PIR: variants seen among roughly 807,000 people sequenced by gnomAD.
PIR encodes the protein pirin.
In PIR, 22 loss-of-function variants were observed where a neutral mutation model predicts 24.2. The ratio of observed to expected loss-of-function variants is 0.91; its 90% CI spans 0.65 to 1.30. The LOEUF (loss-of-function observed/expected upper bound fraction) is 1.30, where lower values mean the gene tolerates loss of function less well. Among genes scored for constraint, PIR ranks in the 50% most tolerant of loss-of-function variants. The pLI is 0.00. For missense variants in PIR, 220 were observed against 220.3 expected (o/e 1.00, Z 0.01); for synonymous variants, 80 against 79.6 (o/e 1.00, Z -0.03).
intron 5 of PIR, among the ~76,000 whole-genome samples, chrX:15,435,682 T>G (rs567393655): frequency 3.6e-5 from 4 of 111,898 alleles, no homozygotes; most frequent in African/African-American, 1.3e-4. Flanking sequence ...TAAAAATGCA[T>G]CAGCACAGAC....
At chrX:15,477,824 A>G (rs1472766450) in intron 3 of PIR, among the ~76,000 whole-genome samples, 2 of 112,240 alleles carry the variant, frequency 1.8e-5, no homozygotes, top group Non-Finnish European at 3.8e-5. Flanking sequence ...ACATGCCCAC[A>G]AATTACTACA....
At chrX:15,403,993 C>CTTTTTTT (rs151011282) in intron 7 of PIR, among the ~76,000 whole-genome samples, 1 of 89,910 alleles carries the variant, frequency 1.1e-5, no homozygotes. Context: ...CCAGCATTTT[C>CTTTTTTT]TTTTTTTTTT....
chrX:15,420,025 C>T (rs767441728), intron 6 of PIR, among the ~76,000 whole-genome samples: 4 of 110,932 alleles, frequency 3.6e-5, no homozygotes, highest in East Asian at 5.6e-4. Flanking sequence ...GGTCAAACCC[C>T]GTCGCTACTA....
At chrX:15,428,486 G>A (rs952685274) in intron 5 of PIR, among the ~76,000 whole-genome samples, 3 of 112,225 alleles carry the variant, frequency 2.7e-5, no homozygotes, top group Middle Eastern at 4.6e-3. Flanking sequence ...GGCAGATGCA[G>A]TATCCCTTCC....
intron 7 of PIR, among the ~76,000 whole-genome samples, chrX:15,406,893 C>T (rs1227951125): frequency 1.8e-5 from 2 of 112,088 alleles, no homozygotes; most frequent in Non-Finnish European, 3.8e-5. Context: ...TGGGGTGAAG[C>T]GTGGAGAGCA....
At chrX:15,464,871 T>G (rs918844492) in intron 3 of PIR, among the ~76,000 whole-genome samples, 4 of 112,163 alleles carry the variant, frequency 3.6e-5, no homozygotes, top group African/African-American at 1.3e-4. Flanking sequence ...CCCTTTCAAA[T>G]CATATTCTTT....
intron 5 of PIR, chrX:15,429,805 G>A (rs895370797): frequency 5.5e-5 from 6 of 109,696 alleles, no homozygotes; most frequent in African/African-American, 1.7e-4. Flanking sequence ...GCAGTGAGCC[G>A]AGATCCTGCC....
chrX:15,408,457 C>T (rs988867166), intron 6 of PIR, among the ~76,000 whole-genome samples: 1 of 111,757 alleles, frequency 8.9e-6, no homozygotes, highest in Middle Eastern at 4.2e-3. Flanking sequence ...CAAGTGTGTA[C>T]ACTTTTCTGG....
intron 6 of PIR, among the ~76,000 whole-genome samples, chrX:15,416,579 T>C (rs1569197674): frequency 8.9e-6 from 1 of 112,136 alleles, no homozygotes. Flanking sequence ...GACGTCTGCC[T>C]GATCCTGCCT....
Position 15,425,990 on chromosome X carries a change from A to C in PIR, c.481T>G (p.Ser161Ala). Residue 161 changes from serine (S) to alanine (A), a missense_variant and splice_region_variant, in exon 6 of 10, where the codon TCC (serine) becomes GCC (alanine). Transcript: ENST00000380420. ...VISGEALGIK[S>A]KVYTRTPTLY... ...GTTGGTGTGCGAGTGTAAACCTTGG[A>C]CTGAAAAGGAAAAGGAAACCATCAG... is the stretch of plus-strand genomic sequence containing the variant. The C allele has an allele frequency of 1.7e-6, 2 of 1,147,403 alleles. No individual in the cohort carries two copies. Among genetic ancestry groups the C allele is most frequent in the Non-Finnish European group, 2.4e-6 (2 of 838,674 alleles). 94.6% of individuals were successfully genotyped at this position (1,147,403 alleles called of 1,213,427 possible). A position where few individuals can be genotyped will look rare whatever the true frequency, so the allele number is the denominator to read the frequency against.
chrX:15,427,802 TATAC>T (rs1255878393), intron 5 of PIR, among the ~76,000 whole-genome samples: 3 of 110,027 alleles, frequency 2.7e-5, no homozygotes, highest in African/African-American at 1.0e-4. Flanking sequence ...TATATACATA[TATAC>T]ATACATATAT....
At chrX:15,459,164 GATA>G (rs1412116827) in intron 4 of PIR, among the ~76,000 whole-genome samples, 2 of 111,959 alleles carry the variant, frequency 1.8e-5, no homozygotes, top group Non-Finnish European at 3.8e-5. Flanking sequence ...TGTCTTAAGT[GATA>G]ACACCTAACC....
chrX:15,470,777 A>G (rs1242627409), intron 3 of PIR, among the ~76,000 whole-genome samples: 13 of 108,228 alleles, frequency 1.2e-4, no homozygotes, highest in African/African-American at 4.4e-4. Flanking sequence ...AATTTTTTGT[A>G]TTTTCAGTAG....
intron 3 of PIR, among the ~76,000 whole-genome samples, chrX:15,470,997 G>T (rs1921884655): frequency 9.5e-6 from 1 of 105,028 alleles, no homozygotes; most frequent in South Asian, 4.1e-4. Context: ...GTTTGTAATT[G>T]CAATGTGGTG....
At chrX:15,456,192 A>G (rs1195694514) in intron 4 of PIR, 138 bp from the exon 5 acceptor site, 6 of 529,294 alleles carry the variant, frequency 1.1e-5, no homozygotes, top group Non-Finnish European at 1.9e-5. Context: ...GAGGGGAATA[A>G]TAAACATCAG....
In PIR at chrX:15,462,733, C is replaced by T. The variant is rs141318458; in HGVS notation, c.190-2993G>A. On this transcript the variant is annotated intron_variant, in intron 3 of 9. Coordinates refer to ENST00000380420, the MANE Select transcript of PIR (RefSeq NM_001018109.3). ...TAAACAGCAATGGTTATTATTTTGC[C>T]CTACATATTTGTATATTTAGGACAT... Among the ~76,000 whole-genome samples the T allele has an allele frequency of 6.1e-3, 682 of 111,633 alleles. 3 individuals carry two copies. The highest frequency in any genetic ancestry group is 0.01 in the Non-Finnish European group (538 of 53,034).
chrX:15,486,297 T>TAAAAAAAAAAAAAAAAAAAAAAAA (rs1922811339), intron 2 of PIR, among the ~76,000 whole-genome samples: 1 of 11,983 alleles, frequency 8.3e-5, no homozygotes, highest in African/African-American at 6.9e-4. Context: ...AGACTCTGTC[T>TAAAAAAAAAAAAAAAAAAAAAAAA]CAAAAAAAAA....
At chrX:15,469,685 G>A (rs1921780738) in intron 3 of PIR, among the ~76,000 whole-genome samples, 1 of 111,169 alleles carries the variant, frequency 9.0e-6, no homozygotes, top group East Asian at 2.8e-4. Context: ...GGAAAAATTA[G>A]GTTGTAGTAA....
At chrX:15,476,029 G>A (rs916172869) in intron 3 of PIR, among the ~76,000 whole-genome samples, 1 of 111,819 alleles carries the variant, frequency 8.9e-6, no homozygotes, top group Non-Finnish European at 1.9e-5. Flanking sequence ...TCATAGAATC[G>A]TATTTCTGAT....
Sources: allele counts gnomAD v4.1 joint callset (sites outside exome capture counted in the v4.1 genomes callset), GRCh38; gene constraint gnomAD v4.1.1; transcripts MANE v1.5; gene names NCBI Gene and HGNC (gene_info 2026-07-23, HGNC 2026-07-21).